The following ALK variants were observed in gnomAD, a reference collection of about 807,000 sequenced individuals.
ALK encodes the protein ALK tyrosine kinase receptor.
A neutral mutation model predicts 163.1 loss-of-function variants in ALK; 74 were observed. The observed-to-expected ratio is 0.45, with a 90% confidence interval of 0.38 to 0.55. The LOEUF (loss-of-function observed/expected upper bound fraction) is 0.55. Ranked by LOEUF, ALK falls within the 20% of genes least tolerant of loss-of-function variation. ALK has a pLI of 0.00. For synonymous variants in ALK, 960 were observed against 843.2 expected (o/e 1.14, Z -2.40); for missense variants, 2,063 against 2,105.3 (o/e 0.98, Z 0.39).
At chr2:29,540,984 TAAAAA>T (rs911436441) in intron 3 of ALK, among the ~76,000 whole-genome samples, 1 of 151,390 alleles carries the variant, frequency 6.6e-6, no homozygotes. Context: ...TCAGAGACTC[TAAAAA>T]AAAAGTAGTT....
At chr2:29,855,879 T>C (rs1036857773) in intron 1 of ALK, among the ~76,000 whole-genome samples, 12 of 152,238 alleles carry the variant, frequency 7.9e-5, no homozygotes, top group Admixed American at 3.9e-4. Flanking sequence ...TATAGAATCA[T>C]CAAATTTTAA....
intron 3 of ALK, among the ~76,000 whole-genome samples, chr2:29,586,432 A>G (rs2148202910): frequency 6.6e-6 from 1 of 152,316 alleles, no homozygotes; most frequent in South Asian, 2.1e-4. Context: ...TGAAATAACT[A>G]TCCACATATA....
chr2:29,850,670 C>T (rs79063385), intron 1 of ALK, among the ~76,000 whole-genome samples: 6 of 152,160 alleles, frequency 3.9e-5, no homozygotes, highest in East Asian at 1.9e-4. Flanking sequence ...CAGCCAGGCT[C>T]GGGGGTGTTT....
intron 1 of ALK, among the ~76,000 whole-genome samples, chr2:29,741,166 A>G (rs2148324743): frequency 6.6e-6 from 1 of 152,304 alleles, no homozygotes; most frequent in South Asian, 2.1e-4. Context: ...ATGGAGGAAA[A>G]AGATTAGTGT....
chr2:29,517,496 A>C (rs865848088), intron 4 of ALK, among the ~76,000 whole-genome samples: 2 of 152,150 alleles, frequency 1.3e-5, no homozygotes, highest in Non-Finnish European at 2.9e-5. Context: ...TTTCTTCAGA[A>C]ACCAGGATGC....
intron 1 of ALK, among the ~76,000 whole-genome samples, chr2:29,800,943 G>T (rs922738684): frequency 6.6e-6 from 1 of 152,182 alleles, no homozygotes; most frequent in African/African-American, 2.4e-5. Flanking sequence ...CCTCCTGTGG[G>T]CTCCCGTGGG....
intron 4 of ALK, among the ~76,000 whole-genome samples, chr2:29,400,163 G>T (rs1573320016): frequency 6.6e-6 from 1 of 152,148 alleles, no homozygotes; most frequent in Non-Finnish European, 1.5e-5. Context: ...TCATTTAAAA[G>T]ATTTTTTTTC....
At chr2:29,633,983 A>G (rs975925844) in intron 3 of ALK, among the ~76,000 whole-genome samples, 1 of 152,228 alleles carries the variant, frequency 6.6e-6, no homozygotes, top group African/African-American at 2.4e-5. Context: ...TCCACCAAAC[A>G]TATAAAGAAT....
intron 12 of ALK, among the ~76,000 whole-genome samples, chr2:29,249,214 G>C (rs940567055): frequency 1.6e-4 from 24 of 152,370 alleles, no homozygotes; most frequent in African/African-American, 5.8e-4. Flanking sequence ...CCCTCTGTGG[G>C]ACAGGGAGCA....
At chr2:29,507,426 G>C (rs1672365000) in intron 4 of ALK, among the ~76,000 whole-genome samples, 1 of 152,186 alleles carries the variant, frequency 6.6e-6, no homozygotes, top group South Asian at 2.1e-4. Context: ...AGTTTGGGAT[G>C]ATGAAAAGGT....
At chr2:29,852,978 C>T (rs2148401981) in intron 1 of ALK, among the ~76,000 whole-genome samples, 1 of 152,220 alleles carries the variant, frequency 6.6e-6, no homozygotes, top group African/African-American at 2.4e-5. Context: ...TTGGACTTCT[C>T]AGTATCCAGG....
intron 1 of ALK, among the ~76,000 whole-genome samples, chr2:29,835,648 A>G (rs867978606): frequency 6.6e-5 from 10 of 152,288 alleles, no homozygotes; most frequent in Middle Eastern, 3.4e-3. Context: ...CTTGAATGGT[A>G]GCTCGCATAA....
intron 1 of ALK, among the ~76,000 whole-genome samples, chr2:29,839,605 G>A (rs1055497329): frequency 2.0e-5 from 3 of 152,046 alleles, no homozygotes; most frequent in Non-Finnish European, 2.9e-5. Context: ...TGGTTGTCTC[G>A]CCATTCCCAG....
At chr2:29,555,776 C>T (rs201809059) in intron 3 of ALK, among the ~76,000 whole-genome samples, 1 of 151,892 alleles carries the variant, frequency 6.6e-6, no homozygotes, top group African/African-American at 2.4e-5. Flanking sequence ...CTCCCAATTT[C>T]TTTGGAAAGC....
chr2:29,814,815 C>G (rs929993883), intron 1 of ALK, among the ~76,000 whole-genome samples: 1 of 150,228 alleles, frequency 6.7e-6, no homozygotes, highest in Non-Finnish European at 1.5e-5. Flanking sequence ...AATCCCTATT[C>G]ACAGGATTGG....
chr2:29,717,426 A>T, intron 2 of ALK, 152 bp downstream of exon 2: 1 of 906,526 alleles, frequency 1.1e-6, no homozygotes, highest in Non-Finnish European at 1.7e-6. Flanking sequence ...GTTGAGCGTC[A>T]CTGGGAGACA....
intron 12 of ALK, among the ~76,000 whole-genome samples, chr2:29,242,499 CCTT>C (rs1558634527): frequency 6.6e-6 from 1 of 152,192 alleles, no homozygotes; most frequent in Non-Finnish European, 1.5e-5. Flanking sequence ...CCTTCCTAAG[CCTT>C]CTTTGCTATT....
intron 3 of ALK, among the ~76,000 whole-genome samples, chr2:29,601,610 T>G (rs187441350): frequency 6.6e-6 from 1 of 152,226 alleles, no homozygotes; most frequent in Non-Finnish European, 1.5e-5. Context: ...AGGGCAGAAT[T>G]ATGGTGCTCA....
intron 1 of ALK, among the ~76,000 whole-genome samples, chr2:29,780,552 C>T (rs1196922450): frequency 2.0e-5 from 3 of 152,190 alleles, no homozygotes; most frequent in South Asian, 2.1e-4. Context: ...GATTATTGAT[C>T]GGGCCTAACT....
Sources: gnomAD v4.1 joint callset for allele counts (sites outside exome capture counted in the v4.1 genomes callset) on GRCh38, gnomAD v4.1.1 for gene constraint, MANE v1.5 for transcripts, NCBI Gene and HGNC (gene_info 2026-07-23, HGNC 2026-07-21) for gene names.